Variants in TANC1 observed in about 807,000 individuals in gnomAD.
TANC1 encodes the protein tetratricopeptide repeat, ankyrin repeat and coiled-coil containing 1.
Under a neutral mutation model 149.7 loss-of-function variants are expected in TANC1, and 77 were observed. The ratio of observed to expected loss-of-function variants is 0.51; its 90% CI spans 0.43 to 0.62. The LOEUF is 0.62. Among genes scored for constraint, TANC1 ranks in the 20% least tolerant of loss-of-function variants. The probability of loss-of-function intolerance (pLI) is 0.00; values close to 1 mark genes in which losing one functional copy is unlikely to be tolerated. For synonymous variants in TANC1, 854 were observed against 925.0 expected (o/e 0.92, Z 1.39); for missense variants, 1,985 against 2,321.8 (o/e 0.85, Z 2.98).
intron 4 of TANC1, among the ~76,000 whole-genome samples, chr2:159,121,243 A>AT (rs2048819022): frequency 1.3e-5 from 2 of 152,144 alleles, no homozygotes; most frequent in Non-Finnish European, 1.5e-5. Context: ...CTCACCTCTC[A>AT]TTGGCTCTGT....
rs987384518 is a variant in TANC1 at position 159,131,044 on chromosome 2, A to G, written c.260-5150A>G. Among the ~76,000 whole-genome samples the G allele has an allele frequency of 2.0e-5, 3 of 148,370 alleles. No homozygotes were observed. The East Asian group carries it at 7.1e-4, about 35-fold the overall frequency. On this transcript the variant is annotated intron_variant, in intron 4 of 26. Coordinates refer to ENST00000263635, the MANE Select transcript of TANC1 (RefSeq NM_033394.3). ...GGGTGGGGGGTCCCCAACTATGATT[A>G]TCTTTAGGCCTTCTTCTCTTGATGA...
At chr2:159,021,714 CAG>C in intron 2 of TANC1, among the ~76,000 whole-genome samples, 1 of 152,162 alleles carries the variant, frequency 6.6e-6, no homozygotes, top group Non-Finnish European at 1.5e-5. Flanking sequence ...TTAAATTTAA[CAG>C]AATACAACTG....
At chr2:159,080,668 C>T (rs1314944547) in intron 3 of TANC1, among the ~76,000 whole-genome samples, 10 of 152,214 alleles carry the variant, frequency 6.6e-5, no homozygotes, top group East Asian at 1.9e-4. Context: ...GCCTAGGCTA[C>T]GCATCACCCC....
chr2:159,148,274 G>A (rs1464945516), intron 5 of TANC1: 2 of 152,228 alleles, frequency 1.3e-5, no homozygotes, highest in Non-Finnish European at 2.9e-5. Flanking sequence ...CGTGTTAGAA[G>A]GATGTGAATA....
At chr2:159,062,992 A>AAAAAAAAAAAAAAAAAG (rs1559188236) in intron 2 of TANC1, among the ~76,000 whole-genome samples, 1 of 147,516 alleles carries the variant, frequency 6.8e-6, no homozygotes, top group African/African-American at 2.5e-5. Flanking sequence ...AAAAAAAAAA[A>AAAAAAAAAAAAAAAAAG]AAAGAAAGCA....
chr2:159,230,418 C>G lies in TANC1; in HGVS notation c.4992C>G (p.Gly1664=). Residue 1664 remains glycine, a synonymous_variant, in exon 27 of 27, where the codon GGC becomes GGG. Transcript: ENST00000263635. The surrounding 1 kb of genome is among the most constrained non-coding windows in gnomAD (Gnocchi z 4.4). ...VRHPASLTSS[G]SSGSPSSSIK... is the part of the protein sequence containing the mutation. ...ACCCAGCTTCCCTCACCAGCTCAGG[C>G]TCTTCTGGTTCTCCATCCAGCAGCA... The G allele has an allele frequency of 1.2e-6, 2 of 1,614,178 alleles. No homozygotes were observed. Among genetic ancestry groups the G allele is most frequent in the Non-Finnish European group, 1.7e-6 (2 of 1,180,042 alleles).
Position 159,228,801 on chromosome 2 carries a change from T to G in TANC1, c.4056T>G (p.Phe1352Leu), listed in dbSNP as rs752254986. 1.9e-6 allele frequency: 3 copies of G among 1,613,744 alleles called. No homozygotes were observed. Among genetic ancestry groups the G allele is most frequent in the Non-Finnish European group, 1.7e-6 (2 of 1,179,644 alleles). ...GTATTTCTTGTCGACACCAGGACTT[T>G]GGCATGGCAGAGGAATTTGCTTCCA... ...LSRCRRKTND[F>L]GMAEEFASKA... The change falls in exon 26 of 27, where the codon TTT becomes TTG. Residue 1352 changes from phenylalanine (F) to leucine (L), a missense_variant. Around this residue, in one of 3 missense-constraint regions of TANC1, gnomAD observed 920 missense variants for 994.7 expected, o/e 0.92. Coordinates refer to ENST00000263635, the MANE Select transcript of TANC1 (RefSeq NM_033394.3).
At chr2:159,088,347 T>C (rs567825207) in intron 3 of TANC1, among the ~76,000 whole-genome samples, 2 of 152,206 alleles carry the variant, frequency 1.3e-5, no homozygotes. Context: ...TTGTTTCCCA[T>C]ATCTATAATA....
chr2:159,008,109 T>C (rs912499227), intron 2 of TANC1, among the ~76,000 whole-genome samples: 1 of 152,258 alleles, frequency 6.6e-6, no homozygotes, highest in Non-Finnish European at 1.5e-5. Context: ...TGAGTGGTTT[T>C]ATTTTTGAGA....
At chr2:159,139,240 C>A (rs2051105692) in intron 5 of TANC1, among the ~76,000 whole-genome samples, 1 of 152,100 alleles carries the variant, frequency 6.6e-6, no homozygotes, top group South Asian at 2.1e-4. Context: ...AGTTTGCACT[C>A]ACCTGGAAAC....
chr2:158,973,101 TAGAC>T (rs1358251567), intron 1 of TANC1, among the ~76,000 whole-genome samples: 2 of 152,148 alleles, frequency 1.3e-5, no homozygotes, highest in African/African-American at 4.8e-5. Context: ...AAGAGTTCCA[TAGAC>T]AGAATGTCAA....
At chr2:159,069,240 A>C (rs2042935829) in intron 3 of TANC1, among the ~76,000 whole-genome samples, 1 of 152,174 alleles carries the variant, frequency 6.6e-6, no homozygotes, top group African/African-American at 2.4e-5. Context: ...GTTTTTTTAG[A>C]GAGCATATTC....
intron 1 of TANC1, among the ~76,000 whole-genome samples, chr2:158,981,533 AT>A (rs2034375527): frequency 6.0e-5 from 7 of 117,218 alleles, no homozygotes; most frequent in African/African-American, 8.9e-5. Flanking sequence ...ATATATATAT[AT>A]ATATATATAA....
intron 1 of TANC1, among the ~76,000 whole-genome samples, chr2:158,983,496 A>G (rs1167705853): frequency 6.6e-6 from 1 of 151,490 alleles, no homozygotes; most frequent in East Asian, 1.9e-4. Flanking sequence ...AACACCAAAC[A>G]AACAACAAAA....
chr2:159,062,943 C>T (rs1168878028), intron 2 of TANC1, among the ~76,000 whole-genome samples: 6 of 120,318 alleles, frequency 5.0e-5, no homozygotes, highest in African/African-American at 6.0e-5. Context: ...GTCCGCAGTC[C>T]GGCCTGGGCG....
chr2:159,078,183 A>G (rs2043887946), intron 3 of TANC1, among the ~76,000 whole-genome samples: 1 of 152,220 alleles, frequency 6.6e-6, no homozygotes, highest in Non-Finnish European at 1.5e-5. Context: ...GATTAAATGA[A>G]TTACTATTTA....
chr2:159,182,731 T>C (rs2056614805), intron 14 of TANC1, among the ~76,000 whole-genome samples: 1 of 152,170 alleles, frequency 6.6e-6, no homozygotes, highest in Non-Finnish European at 1.5e-5. Flanking sequence ...GGACACTTAG[T>C]AGGTGGTGGT....
chr2:159,213,489 G>A (rs1292504052), intron 19 of TANC1, among the ~76,000 whole-genome samples: 1 of 151,368 alleles, frequency 6.6e-6, no homozygotes, highest in African/African-American at 2.4e-5. Flanking sequence ...TGGTATTTAT[G>A]TCAGTTTTAC....
At chr2:159,099,719 A>G (rs946046933) in intron 4 of TANC1, among the ~76,000 whole-genome samples, 4 of 146,322 alleles carry the variant, frequency 2.7e-5, no homozygotes, top group African/African-American at 1.0e-4. Context: ...TCCAGGTGAC[A>G]TCTGGTCACC....
Sources: allele counts gnomAD v4.1 joint callset (sites outside exome capture counted in the v4.1 genomes callset), GRCh38; gene constraint gnomAD v4.1.1; regional missense constraint gnomAD v4.1.1; non-coding constraint Gnocchi (gnomAD v3.1); transcripts MANE v1.5; gene names NCBI Gene and HGNC (gene_info 2026-07-23, HGNC 2026-07-21).